HS6ST3: variants seen among roughly 807,000 people sequenced by gnomAD.
HS6ST3 encodes the protein heparan-sulfate 6-O-sulfotransferase 3.
HS6ST3 carries 12 observed loss-of-function variants against 36.7 expected under a neutral mutation model. That is an observed-to-expected ratio of 0.33 (90% CI 0.21 to 0.53). The LOEUF (loss-of-function observed/expected upper bound fraction) is 0.53. Ranked by LOEUF, HS6ST3 falls within the 20% of genes least tolerant of loss-of-function variation. The pLI is 0.95. For synonymous variants in HS6ST3, 240 were observed against 257.5 expected (o/e 0.93, Z 0.65); for missense variants, 584 against 640.9 (o/e 0.91, Z 0.96).
At chr13:96,367,684 T>A (rs373398305) in intron 1 of HS6ST3, among the ~76,000 whole-genome samples, 4 of 152,322 alleles carry the variant, frequency 2.6e-5, no homozygotes, top group East Asian at 3.9e-4. Context: ...AAGAAAAACA[T>A]GTTACCCATT....
At position 96,522,710 on chromosome 13, in the gene HS6ST3, G is replaced by A. The variant is rs974871013; in HGVS notation, c.708-309780G>A. 7.9e-4 allele frequency among the ~76,000 whole-genome samples: 119 copies of A among 151,246 alleles called. 11 individuals are homozygous for A. The highest frequency in any genetic ancestry group is 1.0e-4 in the Non-Finnish European group (7 of 67,876). On this transcript the variant is annotated intron_variant, in intron 1 of 1. Coordinates refer to ENST00000376705, the MANE Select transcript of HS6ST3 (RefSeq NM_153456.4). Reference sequence around the variant, plus strand: ...GTGTGTGTGTGTGTGCTTTCCATTTGCTTCATAGATCTTCCTCCATCCCTT... The same window carrying A: ...GTGTGTGTGTGTGTGCTTTCCATTTACTTCATAGATCTTCCTCCATCCCTT...
chr13:96,826,792 T>C (rs1284885620), intron 1 of HS6ST3, among the ~76,000 whole-genome samples: 2 of 152,210 alleles, frequency 1.3e-5, no homozygotes, highest in East Asian at 3.8e-4. Context: ...GAAATGTGTG[T>C]ATTCCATTTG....
chr13:96,306,052 C>T (rs2054911384), intron 1 of HS6ST3, among the ~76,000 whole-genome samples: 1 of 151,480 alleles, frequency 6.6e-6, no homozygotes, highest in Admixed American at 6.6e-5. Context: ...CCACCTCAGC[C>T]TCCCGAGTAG....
chr13:96,187,505 C>T (rs1244230904), intron 1 of HS6ST3, among the ~76,000 whole-genome samples: 1 of 152,014 alleles, frequency 6.6e-6, no homozygotes, highest in Admixed American at 6.6e-5. Flanking sequence ...CAGTTTAGAG[C>T]CCAGGGCTCT....
chr13:96,136,072 T>G (rs2139314394), intron 1 of HS6ST3, among the ~76,000 whole-genome samples: 1 of 152,184 alleles, frequency 6.6e-6, no homozygotes, highest in East Asian at 1.9e-4. Flanking sequence ...CCGTATAGGG[T>G]CATTCTGAGG....
intron 1 of HS6ST3, among the ~76,000 whole-genome samples, chr13:96,140,269 T>A (rs2054025289): frequency 6.6e-6 from 1 of 152,178 alleles, no homozygotes; most frequent in East Asian, 1.9e-4. Context: ...GTATATATAT[T>A]GTATTACTGT....
intron 1 of HS6ST3, among the ~76,000 whole-genome samples, chr13:96,791,145 T>A (rs895091151): frequency 6.6e-6 from 1 of 151,998 alleles, no homozygotes; most frequent in African/African-American, 2.4e-5. Context: ...TCTACTGAGG[T>A]TGAGAGATGA....
intron 1 of HS6ST3, among the ~76,000 whole-genome samples, chr13:96,282,490 G>A (rs1415424001): frequency 6.6e-6 from 1 of 152,164 alleles, no homozygotes; most frequent in Non-Finnish European, 1.5e-5. Flanking sequence ...AACCAATGAG[G>A]AACGTATGTG....
chr13:96,165,569 C>G lies in HS6ST3; in HGVS notation c.707+74000C>G, dbSNP rs149804776. Reference sequence around the variant, plus strand: ...TTGCAACTGCAGAGATGTAGTAGCTCTTGTTCCTCCTACATGTGTGCAAAT... The same window carrying G: ...TTGCAACTGCAGAGATGTAGTAGCTGTTGTTCCTCCTACATGTGTGCAAAT... On this transcript the variant is annotated intron_variant, in intron 1 of 1. Coordinates refer to ENST00000376705, the MANE Select transcript of HS6ST3 (RefSeq NM_153456.4). Among the ~76,000 whole-genome samples the G allele has an allele frequency of 2.6e-3, 403 of 152,278 alleles. 4 individuals carry two copies. The highest frequency in any genetic ancestry group is 9.3e-3 in the African/African-American group (385 of 41,542).
chr13:96,244,926 TTGC>T (rs1285910902), intron 1 of HS6ST3, among the ~76,000 whole-genome samples: 1 of 152,222 alleles, frequency 6.6e-6, no homozygotes, highest in Non-Finnish European at 1.5e-5. Context: ...AAAATTGTTG[TTGC>T]TGCTAATACC....
intron 1 of HS6ST3, among the ~76,000 whole-genome samples, chr13:96,693,763 AAC>A (rs577554546): frequency 2.4e-4 from 36 of 152,222 alleles, no homozygotes; most frequent in Non-Finnish European, 4.9e-4. Context: ...GCTGGAATGG[AAC>A]ACTTTAGTAT....
intron 1 of HS6ST3, among the ~76,000 whole-genome samples, chr13:96,130,961 G>A (rs114669388): frequency 6.6e-6 from 1 of 152,250 alleles, no homozygotes; most frequent in African/African-American, 2.4e-5. Flanking sequence ...TGGCCCTGCA[G>A]CCCTGCTCAG....
At chr13:96,569,450 T>C (rs1325751904) in intron 1 of HS6ST3, among the ~76,000 whole-genome samples, 1 of 152,144 alleles carries the variant, frequency 6.6e-6, no homozygotes, top group Non-Finnish European at 1.5e-5. Flanking sequence ...CTTAGTACTA[T>C]CATTGATCCA....
intron 1 of HS6ST3, among the ~76,000 whole-genome samples, chr13:96,110,610 G>T (rs945785251): frequency 3.3e-5 from 5 of 151,820 alleles, no homozygotes; most frequent in Non-Finnish European, 5.9e-5. Flanking sequence ...CTAATTTTTT[G>T]TATTTTTAGT....
intron 1 of HS6ST3, among the ~76,000 whole-genome samples, chr13:96,515,632 C>T (rs1250918139): frequency 6.6e-6 from 1 of 152,022 alleles, no homozygotes; most frequent in Admixed American, 6.6e-5. Context: ...CCCCACGTGT[C>T]GAGAGAGGGA....
At chr13:96,390,063 T>C (rs1042223394) in intron 1 of HS6ST3, among the ~76,000 whole-genome samples, 3 of 152,188 alleles carry the variant, frequency 2.0e-5, no homozygotes, top group Non-Finnish European at 4.4e-5. Flanking sequence ...TCTTTGGGGC[T>C]AAATTAATTG....
At chr13:96,334,086 G>C (rs988857573) in intron 1 of HS6ST3, among the ~76,000 whole-genome samples, 1 of 152,198 alleles carries the variant, frequency 6.6e-6, no homozygotes, top group Non-Finnish European at 1.5e-5. Context: ...AGTGCAGATT[G>C]AATTAGCTGG....
intron 1 of HS6ST3, among the ~76,000 whole-genome samples, chr13:96,345,759 G>T (rs113140396): frequency 6.6e-6 from 1 of 152,042 alleles, no homozygotes; most frequent in African/African-American, 2.4e-5. Context: ...CAATATTTTG[G>T]CTTCCCTGGA....
chr13:96,336,453 A>G (rs975060057), intron 1 of HS6ST3, among the ~76,000 whole-genome samples: 1 of 152,186 alleles, frequency 6.6e-6, no homozygotes, highest in African/African-American at 2.4e-5. Flanking sequence ...TTGGGTCTTT[A>G]TAGAGGTAAT....
Sources: allele counts gnomAD v4.1 joint callset (sites outside exome capture counted in the v4.1 genomes callset), GRCh38; gene constraint gnomAD v4.1.1; transcripts MANE v1.5; gene names NCBI Gene and HGNC (gene_info 2026-07-23, HGNC 2026-07-21).